Variants in PDE11A observed in about 807,000 individuals in gnomAD.
PDE11A encodes phosphodiesterase 11A, also known as dual 3',5'-cyclic-AMP and -GMP phosphodiesterase 11A.
A neutral mutation model predicts 100.5 loss-of-function variants in PDE11A; 100 were observed. The observed-to-expected ratio is 1.00, with a 90% CI of 0.85 to 1.18. The LOEUF (loss-of-function observed/expected upper bound fraction) is 1.18, where lower values mean the gene tolerates loss of function less well. Ranked by LOEUF, PDE11A falls within the 50% of genes most tolerant of loss-of-function variation. The pLI is 0.00. For missense variants in PDE11A, 1,141 were observed against 1,152.6 expected (o/e 0.99, Z 0.15); for synonymous variants, 381 against 420.8 (o/e 0.91, Z 1.16).
intron 2 of PDE11A, among the ~76,000 whole-genome samples, chr2:177,962,063 A>C (rs1351048053): frequency 6.6e-6 from 1 of 150,772 alleles, no homozygotes; most frequent in Non-Finnish European, 1.5e-5. Flanking sequence ...TCTCAAAAAA[A>C]AAAAAAAAAA....
intron 12 of PDE11A, among the ~76,000 whole-genome samples, chr2:177,724,854 C>T (rs2081577075): frequency 6.6e-6 from 1 of 151,996 alleles, no homozygotes; most frequent in African/African-American, 2.4e-5. Context: ...TGCCTTGGAG[C>T]GCCATCTAGA....
intron 1 of PDE11A, among the ~76,000 whole-genome samples, chr2:178,056,680 G>T (rs2086903047): frequency 6.6e-6 from 1 of 152,024 alleles, no homozygotes; most frequent in Admixed American, 6.6e-5. Flanking sequence ...GGAAAAGAAG[G>T]ATACACTCAC....
At chr2:177,699,176 G>A (rs765062945) in intron 14 of PDE11A, among the ~76,000 whole-genome samples, 2 of 152,100 alleles carry the variant, frequency 1.3e-5, no homozygotes, top group Non-Finnish European at 2.9e-5. Flanking sequence ...AGATGATACA[G>A]CCTACTGCAT....
intron 10 of PDE11A, among the ~76,000 whole-genome samples, chr2:177,738,123 G>A (rs1334654032): frequency 9.0e-6 from 1 of 111,212 alleles, no homozygotes. Context: ...CTAAGTTTGT[G>A]TGAATCCGGT....
upstream of PDE11A, chr2:178,073,159 C>A (rs972559110): frequency 5.7e-5 from 42 of 740,738 alleles, no homozygotes; most frequent in Non-Finnish European, 6.6e-5. Context: ...CAGAAGCGGA[C>A]TCCGAGGAAT....
At chr2:177,960,736 A>T (rs752597798) in intron 2 of PDE11A, among the ~76,000 whole-genome samples, 1 of 152,252 alleles carries the variant, frequency 6.6e-6, no homozygotes, top group Non-Finnish European at 1.5e-5. Flanking sequence ...CATGTACAAC[A>T]TAGCTATTTA....
chr2:178,034,652 G>C (rs1204305379), intron 1 of PDE11A, among the ~76,000 whole-genome samples: 1 of 152,090 alleles, frequency 6.6e-6, no homozygotes, highest in East Asian at 1.9e-4. Flanking sequence ...AAATGTAAAA[G>C]AACAGAAATT....
At chr2:178,094,899 C>T (rs1040958617) in intron 2 of PDE11A, among the ~76,000 whole-genome samples, 1 of 152,140 alleles carries the variant, frequency 6.6e-6, no homozygotes, top group African/African-American at 2.4e-5. Flanking sequence ...ATTGTGAGAA[C>T]TCACTATCAT....
At position 177,669,523 on chromosome 2, in the gene PDE11A, C is replaced by T; in HGVS notation, c.2532G>A (p.Arg844=). 1 of 1,456,368 alleles carries T rather than the reference C, an allele frequency of 6.9e-7. No individual in the cohort carries two copies. The highest frequency in any genetic ancestry group is 9.6e-7 in the Non-Finnish European group (1 of 1,036,416). The allele number at this position is 1,456,368 out of a possible 1,614,324, so 90.2% of individuals were successfully genotyped here. A position where few individuals can be genotyped will look rare whatever the true frequency, so the allele number is the denominator to read the frequency against. ...GAGTGAGTTTGAGCTCTAATCTCTC[C>T]CGATCTCCTTGTTCGAAGAACTCAC... The part of the protein sequence containing the change: ...VTSEFFEQGD[R]ERLELKLTPS... The change falls in exon 18 of 20, where the codon CGG becomes CGA. Residue 844 remains arginine, a synonymous_variant. Coordinates refer to ENST00000286063, the MANE Select transcript of PDE11A (RefSeq NM_016953.4).
rs755740310 is a variant in PDE11A at position 178,071,671 on chromosome 2, T to C, written c.767A>G (p.Lys256Arg). ...TGTTCCTGCATGCACATCAAAGAAT[T>C]TGGAGACCAAGGTCTTCTTGCCAGC... Reference protein sequence around the residue: ...AAAGKKTLVSKFFDVHAGTPL... With the variant: ...AAAGKKTLVSRFFDVHAGTPL... The change falls in exon 1 of 20, where the codon AAA becomes AGA. Residue 256 changes from lysine to arginine, a missense_variant. Transcript: ENST00000286063. 1 of 1,613,682 alleles carries C rather than the reference T, an allele frequency of 6.2e-7. No individual in the cohort carries two copies. The highest frequency in any genetic ancestry group is 1.1e-5 in the South Asian group (1 of 91,056).
intron 2 of PDE11A, among the ~76,000 whole-genome samples, chr2:177,946,038 T>C (rs2085419908): frequency 7.5e-6 from 1 of 132,938 alleles, no homozygotes; most frequent in Admixed American, 7.2e-5. Context: ...AGCCGCCCCG[T>C]CCGGGAGGGA....
intron 6 of PDE11A, among the ~76,000 whole-genome samples, chr2:177,835,738 G>C (rs2083386877): frequency 1.3e-5 from 2 of 152,206 alleles, no homozygotes; most frequent in Non-Finnish European, 2.9e-5. Context: ...TTCTGGGTGG[G>C]CGTGGGCTCC....
chr2:177,845,332 T>G (rs370440278), intron 5 of PDE11A, among the ~76,000 whole-genome samples: 12 of 111,662 alleles, frequency 1.1e-4, no homozygotes, highest in African/African-American at 2.2e-4. Flanking sequence ...CCGGGCAGAG[T>G]CGCTCCTCAC....
At chr2:178,070,519 C>G (rs1343734248) in intron 1 of PDE11A, among the ~76,000 whole-genome samples, 6 of 152,176 alleles carry the variant, frequency 3.9e-5, no homozygotes, top group African/African-American at 1.4e-4. Context: ...ACTTTCCTAA[C>G]CAAGGATGAG....
chr2:177,853,706 G>GTT (rs1558974064), intron 5 of PDE11A, among the ~76,000 whole-genome samples: 1 of 56,354 alleles, frequency 1.8e-5, no homozygotes, highest in Admixed American at 2.8e-4. Flanking sequence ...GTGTGTGTGT[G>GTT]TGTGTGTTTG....
At chr2:178,047,427 C>T (rs1407962156) in intron 1 of PDE11A, among the ~76,000 whole-genome samples, 1 of 148,662 alleles carries the variant, frequency 6.7e-6, no homozygotes, top group Non-Finnish European at 1.5e-5. Flanking sequence ...CATGCCACTG[C>T]ACTACAGCCT....
chr2:177,942,241 T>C (rs1347447387), intron 2 of PDE11A, among the ~76,000 whole-genome samples: 1 of 152,194 alleles, frequency 6.6e-6, no homozygotes, highest in Non-Finnish European at 1.5e-5. Flanking sequence ...TCCCTGGTTG[T>C]AAAATTGGGG....
chr2:177,853,650 A>G (rs2083758486), intron 5 of PDE11A, among the ~76,000 whole-genome samples: 3 of 19,262 alleles, frequency 1.6e-4, no homozygotes, highest in African/African-American at 4.8e-4. Context: ...ATATATATAT[A>G]TATATATATA....
upstream of PDE11A, among the ~76,000 whole-genome samples, chr2:178,073,898 T>C (rs1469142745): frequency 6.6e-6 from 1 of 152,038 alleles, no homozygotes; most frequent in African/African-American, 2.4e-5. Flanking sequence ...CAGCAAATGT[T>C]ATGTGTCAGG....
Sources: allele counts gnomAD v4.1 joint callset (sites outside exome capture counted in the v4.1 genomes callset), GRCh38; gene constraint gnomAD v4.1.1; transcripts MANE v1.5; gene names NCBI Gene and HGNC (gene_info 2026-07-23, HGNC 2026-07-21).